The following PTPRD variants were observed in gnomAD, a reference collection of about 807,000 sequenced individuals.
PTPRD encodes protein tyrosine phosphatase receptor type D.
A neutral mutation model predicts 214.5 loss-of-function variants in PTPRD; 34 were observed. The ratio of observed to expected loss-of-function variants is 0.16; its 90% CI spans 0.12 to 0.21. The LOEUF (loss-of-function observed/expected upper bound fraction) is 0.21. PTPRD is among the 10% of genes least tolerant of loss of function. PTPRD has a pLI of 1.00. For synonymous variants in PTPRD, 1,128 were observed against 845.7 expected, an observed-to-expected ratio of 1.33 and a Z score of -5.79; for missense variants, 2,545 against 2,398.7, an observed-to-expected ratio of 1.06 and a Z score of -1.27.
intron 12 of PTPRD, among the ~76,000 whole-genome samples, chr9:8,660,093 GT>G (rs113155270): frequency 6.6e-6 from 1 of 152,164 alleles, no homozygotes; most frequent in Non-Finnish European, 1.5e-5. Context: ...TTGCAAATGT[GT>G]TTTTCAGAAA....
intron 2 of PTPRD, among the ~76,000 whole-genome samples, chr9:10,487,213 G>T (rs1003542559): frequency 2.0e-5 from 3 of 151,976 alleles, no homozygotes; most frequent in African/African-American, 7.3e-5. Flanking sequence ...TTTCTTATAG[G>T]CAACAGATCA....
At chr9:9,916,779 T>C (rs1308237758) in intron 5 of PTPRD, among the ~76,000 whole-genome samples, 1 of 152,018 alleles carries the variant, frequency 6.6e-6, no homozygotes, top group East Asian at 1.9e-4. Flanking sequence ...AGAATACACA[T>C]TCTGCACATC....
At chr9:8,321,114 A>G (rs1398943605) in intron 44 of PTPRD, among the ~76,000 whole-genome samples, 1 of 152,124 alleles carries the variant, frequency 6.6e-6, no homozygotes, top group Non-Finnish European at 1.5e-5. Context: ...GTCTAGCGGC[A>G]GTGAAACCTT....
At chr9:9,059,186 A>G (rs2099702691) in intron 10 of PTPRD, among the ~76,000 whole-genome samples, 1 of 152,238 alleles carries the variant, frequency 6.6e-6, no homozygotes, top group Non-Finnish European at 1.5e-5. Flanking sequence ...AAATCATAGT[A>G]GAGTCAATAC....
intron 11 of PTPRD, among the ~76,000 whole-genome samples, chr9:8,755,295 C>A (rs768795275): frequency 6.6e-6 from 1 of 151,080 alleles, no homozygotes; most frequent in African/African-American, 2.4e-5. Context: ...TTTGGGAGGC[C>A]GAGGTGGACG....
intron 14 of PTPRD, among the ~76,000 whole-genome samples, chr9:8,578,662 A>G (rs2092728776): frequency 6.6e-6 from 1 of 152,198 alleles, no homozygotes; most frequent in Non-Finnish European, 1.5e-5. Context: ...ATTTAGACAC[A>G]TATATCTAAA....
rs2096278439 is a variant in PTPRD at position 8,632,297 on chromosome 9, T to C, written c.352+1020A>G. Among the ~76,000 whole-genome samples, 3 of 151,914 alleles carry C rather than the reference T, an allele frequency of 2.0e-5. No homozygotes were observed. The South Asian group carries it at 6.2e-4, about 31-fold the overall frequency. ...ACCAAGATGTTTATCAAATCAAACT[T>C]TTTTATTTTATAAAAGATATAAAGT... On this transcript the variant is annotated intron_variant, in intron 14 of 45. Coordinates refer to ENST00000381196, the MANE Select transcript of PTPRD (RefSeq NM_002839.4).
chr9:8,967,988 G>A (rs997185396), intron 11 of PTPRD, among the ~76,000 whole-genome samples: 1 of 151,996 alleles, frequency 6.6e-6, no homozygotes, highest in East Asian at 1.9e-4. Context: ...CTACCTATGA[G>A]TGAGAACATG....
chr9:10,133,476 A>G (rs2098917451), intron 3 of PTPRD, among the ~76,000 whole-genome samples: 1 of 152,150 alleles, frequency 6.6e-6, no homozygotes, highest in African/African-American at 2.4e-5. Flanking sequence ...AATAAAATAT[A>G]AAAGCATATA....
chr9:9,337,959 T>C (rs920992199), intron 9 of PTPRD, among the ~76,000 whole-genome samples: 12 of 152,200 alleles, frequency 7.9e-5, no homozygotes, highest in African/African-American at 2.7e-4. Flanking sequence ...TCATACATTC[T>C]TTTCCTGTCT....
chr9:10,115,133 A>G (rs2098720643), intron 3 of PTPRD, among the ~76,000 whole-genome samples: 1 of 152,014 alleles, frequency 6.6e-6, no homozygotes, highest in African/African-American at 2.4e-5. Flanking sequence ...CAGTAAAAAT[A>G]CGAGGATTAA....
At chr9:9,674,902 C>T (rs1236406447) in intron 7 of PTPRD, among the ~76,000 whole-genome samples, 2 of 151,584 alleles carry the variant, frequency 1.3e-5, no homozygotes, top group East Asian at 1.9e-4. Flanking sequence ...GAACATGACT[C>T]CCTCAAATGG....
chr9:10,459,350 G>A (rs574643442), intron 2 of PTPRD, among the ~76,000 whole-genome samples: 12 of 152,114 alleles, frequency 7.9e-5, no homozygotes, highest in South Asian at 4.1e-4. Context: ...GAATTGTGCC[G>A]CAATAGACAT....
intron 8 of PTPRD, among the ~76,000 whole-genome samples, chr9:9,515,515 T>A (rs1260003879): frequency 1.3e-5 from 2 of 152,088 alleles, no homozygotes; most frequent in Non-Finnish European, 2.9e-5. Flanking sequence ...TTTCTATGTA[T>A]CACTACATAT....
intron 3 of PTPRD, among the ~76,000 whole-genome samples, chr9:10,291,018 A>C (rs60737999): frequency 0.027 from 4,100 of 151,354 alleles, 207 homozygotes; most frequent in African/African-American, 0.095. Flanking sequence ...CATTGTTTAG[A>C]GAATCTACAC....
chr9:8,815,735 T>C (rs560145998), intron 11 of PTPRD, among the ~76,000 whole-genome samples: 10 of 152,270 alleles, frequency 6.6e-5, no homozygotes. Flanking sequence ...CCAACAGTGT[T>C]GATACAATTC....
At chr9:9,897,725 AT>A in intron 5 of PTPRD, among the ~76,000 whole-genome samples, 2 of 152,190 alleles carry the variant, frequency 1.3e-5, no homozygotes, top group East Asian at 3.9e-4. Flanking sequence ...ACAATATATT[AT>A]TTTTAGAAAC....
At chr9:9,553,679 G>C (rs182485328) in intron 8 of PTPRD, among the ~76,000 whole-genome samples, 3 of 152,140 alleles carry the variant, frequency 2.0e-5, no homozygotes, top group Non-Finnish European at 4.4e-5. Flanking sequence ...AAATATGCTT[G>C]ACTATATTGT....
intron 2 of PTPRD, among the ~76,000 whole-genome samples, chr9:10,363,725 A>C (rs1018871267): frequency 2.6e-5 from 4 of 152,190 alleles, no homozygotes; most frequent in Non-Finnish European, 5.9e-5. Flanking sequence ...TTCAATAGAT[A>C]ACCATTGTCC....
Sources: allele counts gnomAD v4.1 joint callset (sites outside exome capture counted in the v4.1 genomes callset), GRCh38; gene constraint gnomAD v4.1.1; transcripts MANE v1.5; gene names NCBI Gene and HGNC (gene_info 2026-07-23, HGNC 2026-07-21).